ZNF644: variants seen among roughly 807,000 people sequenced by gnomAD.
ZNF644 encodes the protein zinc finger protein 644, also known as zinc finger motif enhancer binding protein 2.
A neutral mutation model predicts 108.0 loss-of-function variants in ZNF644; 20 were observed. That is an observed-to-expected ratio of 0.19 (90% CI 0.13 to 0.27). The LOEUF (loss-of-function observed/expected upper bound fraction) is 0.27. Among genes scored for constraint, ZNF644 ranks in the 10% least tolerant of loss-of-function variants. The pLI is 1.00. For synonymous variants in ZNF644, 542 were observed against 539.1 expected (o/e 1.01, Z -0.08); for missense variants, 1,338 against 1,548.9 (o/e 0.86, Z 2.29).
At chr1:91,011,330 A>G (rs1487579923) in intron 1 of ZNF644, among the ~76,000 whole-genome samples, 3 of 152,200 alleles carry the variant, frequency 2.0e-5, no homozygotes, top group African/African-American at 7.2e-5. Flanking sequence ...AGCATTCACA[A>G]TCCAAATGTT....
At position 90,916,819 on chromosome 1, in the gene ZNF644, T is replaced by C; in HGVS notation, c.3963A>G (p.Leu1321=). 1 of 1,614,194 alleles carries C rather than the reference T, an allele frequency of 6.2e-7. No homozygotes were observed. Among genetic ancestry groups the C allele is most frequent in the Non-Finnish European group, 8.5e-7 (1 of 1,180,036 alleles). The change falls in exon 6 of 6, where the codon CTA becomes CTG. Residue 1321 remains leucine, a synonymous_variant. Transcript: ENST00000337393. ...GGTTCTATGAAGCTGCTTCGGCCATTAGTAGAGAAAATGAAGTTTCTGTAA... is the reference window on the plus strand; with the variant it reads ...GGTTCTATGAAGCTGCTTCGGCCATCAGTAGAGAAAATGAAGTTTCTGTAA... ...ASITETSFSL[L]MAEAAS
intron 1 of ZNF644, among the ~76,000 whole-genome samples, chr1:90,996,702 G>C (rs1658180715): frequency 6.6e-6 from 1 of 152,106 alleles, no homozygotes; most frequent in Admixed American, 6.5e-5. Context: ...GATCAGTTGA[G>C]CCCAAGACTT....
chr1:91,012,493 G>A (rs1660051552), intron 1 of ZNF644, among the ~76,000 whole-genome samples: 3 of 151,798 alleles, frequency 2.0e-5, no homozygotes, highest in African/African-American at 7.3e-5. Context: ...AAAAAAAAAG[G>A]AAGGAAAAGA....
intron 4 of ZNF644, among the ~76,000 whole-genome samples, chr1:90,926,675 C>T (rs1382429857): frequency 6.6e-6 from 1 of 152,164 alleles, no homozygotes; most frequent in Non-Finnish European, 1.5e-5. Context: ...CCATCCTCCT[C>T]CCACTCAGAT....
rs1343904112 is a variant in ZNF644 at position 90,937,837 on chromosome 1, T to C, written c.3336A>G (p.Ala1112=). 1.2e-6 allele frequency: 2 copies of C among 1,613,810 alleles called. No individual in the cohort carries two copies. The highest frequency in any genetic ancestry group is 3.3e-5 in the Admixed American group (2 of 59,992). Residue 1112 remains alanine, a synonymous_variant, in exon 4 of 6, where the codon GCA becomes GCG. Coordinates refer to ENST00000337393, the MANE Select transcript of ZNF644 (RefSeq NM_201269.3). ...IPRPFVAQKL[A]SSDDFISQNV... ...TTTGAGATATAAAGTCATCACTTGA[T>C]GCAAGTTTTTGAGCTACAAATGGTC... is the stretch of plus-strand genomic sequence containing the variant.
intron 1 of ZNF644, chr1:91,020,490 A>G (rs1294876090): frequency 6.6e-6 from 1 of 152,248 alleles, no homozygotes; most frequent in African/African-American, 2.4e-5. Context: ...AAAGCAATAC[A>G]TACCACTGCA....
Position 90,916,712 on chromosome 1 carries a change from T to C in ZNF644, c.*86A>G. On this transcript the variant is annotated 3_prime_UTR_variant, in exon 6 of 6. Coordinates refer to ENST00000337393, the MANE Select transcript of ZNF644 (RefSeq NM_201269.3). ...CCCCATTTTCCTGCTTTAGTATTTA[T>C]AAACAGATAATTTAATGTGGCTTAA... The C allele has an allele frequency of 2.0e-6, 3 of 1,470,850 alleles. No homozygotes were observed. The highest frequency in any genetic ancestry group is 2.4e-5 in the South Asian group (2 of 85,002). 91.1% of individuals were successfully genotyped at this position (1,470,850 alleles called of 1,614,324 possible). A position where few individuals can be genotyped will look rare whatever the true frequency, so the allele number is the denominator to read the frequency against.
intron 1 of ZNF644, among the ~76,000 whole-genome samples, chr1:90,987,595 C>T (rs1657233095): frequency 6.6e-6 from 1 of 151,890 alleles, no homozygotes; most frequent in Non-Finnish European, 1.5e-5. Context: ...AGAATTCTAC[C>T]AGACATTTAA....
At chr1:90,952,994 A>T (rs1386746545) in intron 2 of ZNF644, among the ~76,000 whole-genome samples, 1 of 150,252 alleles carries the variant, frequency 6.7e-6, no homozygotes, top group Non-Finnish European at 1.5e-5. Flanking sequence ...ACCTATAAAG[A>T]GACAACAATT....
chr1:91,001,927 A>G (rs1658877838), intron 1 of ZNF644, among the ~76,000 whole-genome samples: 1 of 152,232 alleles, frequency 6.6e-6, no homozygotes, highest in Non-Finnish European at 1.5e-5. Context: ...TCCCATTCAC[A>G]ATTGCTTCAA....
chr1:91,012,380 A>G (rs533824234), intron 1 of ZNF644, among the ~76,000 whole-genome samples: 26 of 151,818 alleles, frequency 1.7e-4, no homozygotes, highest in Middle Eastern at 3.4e-3. Context: ...CAGGAAGCTG[A>G]AGGAGGAGGA....
intron 1 of ZNF644, among the ~76,000 whole-genome samples, chr1:91,009,781 G>GT (rs1292014914): frequency 2.0e-5 from 3 of 152,084 alleles, no homozygotes; most frequent in Non-Finnish European, 2.9e-5. Flanking sequence ...GGCCAAGCCA[G>GT]TTTTTTTAAG....
At chr1:90,931,729 G>A (rs992664687) in intron 4 of ZNF644, among the ~76,000 whole-genome samples, 6 of 151,708 alleles carry the variant, frequency 4.0e-5, no homozygotes, top group South Asian at 4.2e-4. Flanking sequence ...TTCCCCCATC[G>A]GTTCCTTTTA....
At chr1:90,935,282 T>C in intron 4 of ZNF644, 1 of 742,126 alleles carries the variant, frequency 1.3e-6, no homozygotes, top group Non-Finnish European at 1.6e-6. Flanking sequence ...ATTCAATGGG[T>C]ATTCAGACTC....
chr1:91,006,546 T>TA (rs1204994971), intron 1 of ZNF644, among the ~76,000 whole-genome samples: 4 of 152,196 alleles, frequency 2.6e-5, no homozygotes, highest in Admixed American at 6.5e-5. Context: ...ATAAGGCCAA[T>TA]ATTGCCCTCA....
In ZNF644 at chr1:90,937,881, T is replaced by A. The variant is rs763598185; in HGVS notation, c.3292A>T (p.Ser1098Cys). Reference sequence around the variant, plus strand: ...AATGGTCTGGGAATAATACGACGACTGTTCAATGCCTTTAAGATTTTTTCA... The same window carrying A: ...AATGGTCTGGGAATAATACGACGACAGTTCAATGCCTTTAAGATTTTTTCA... ...KYEKILKALN[S>C]RRIIPRPFVA... The change falls in exon 4 of 6, where the codon AGT becomes TGT. Residue 1098 changes from serine to cysteine, a missense_variant. Physicochemically the swap from Ser to Cys is moderately radical, Grantham distance 112. This residue lies in a region of ZNF644 where 287 missense variants were observed against 310.9 expected (regional missense o/e 0.92). Coordinates refer to ENST00000337393, the MANE Select transcript of ZNF644 (RefSeq NM_201269.3). 6.2e-7 allele frequency: 1 copy of A among 1,613,940 alleles called. No individual in the cohort carries two copies. The highest frequency in any genetic ancestry group is 1.3e-5 in the African/African-American group (1 of 75,030).
intron 1 of ZNF644, among the ~76,000 whole-genome samples, chr1:91,007,248 T>G (rs1344900423): frequency 1.4e-5 from 2 of 142,444 alleles, no homozygotes; most frequent in African/African-American, 5.2e-5. Flanking sequence ...TTTTTTTTTT[T>G]TTTTTGAGAC....
Position 90,940,598 on chromosome 1 carries a change from C to A in ZNF644, c.756G>T (p.Arg252Ser), listed in dbSNP as rs758474477. ...TGISSGTDGF[R>S]SENDTNWDPQ... Reference sequence around the variant, plus strand: ...GATCCCAGTTTGTATCATTTTCTGACCTAAATCCATCTGTACCTGAGGAAA... The same window carrying A: ...GATCCCAGTTTGTATCATTTTCTGAACTAAATCCATCTGTACCTGAGGAAA... The change falls in exon 3 of 6, where the codon AGG becomes AGT. Residue 252 changes from arginine to serine, a missense_variant. Physicochemically the swap from Arg to Ser is moderately radical, Grantham distance 110 (BLOSUM62 -1). Transcript: ENST00000337393. 8.7e-6 allele frequency: 14 copies of A among 1,613,758 alleles called. No individual in the cohort carries two copies. The highest frequency in any genetic ancestry group is 1.6e-4 in the Middle Eastern group (1 of 6,084).
chr1:90,958,885 T>A (rs79173888), intron 2 of ZNF644, among the ~76,000 whole-genome samples: 1,929 of 152,252 alleles, frequency 0.013, 39 homozygotes, highest in African/African-American at 0.044. Flanking sequence ...ATGGGTTGGA[T>A]CCTCATGACT....
Sources: allele counts gnomAD v4.1 joint callset (sites outside exome capture counted in the v4.1 genomes callset), GRCh38; gene constraint gnomAD v4.1.1; regional missense constraint gnomAD v4.1.1; transcripts MANE v1.5; gene names NCBI Gene and HGNC (gene_info 2026-07-23, HGNC 2026-07-21).